The following SGCG variants were observed in gnomAD, a reference collection of about 807,000 sequenced individuals.
The protein encoded by SGCG is sarcoglycan gamma, also known as gamma-sarcoglycan.
In SGCG, 26 loss-of-function variants were observed where a neutral mutation model predicts 29.3. The observed-to-expected ratio is 0.89, with a 90% CI of 0.65 to 1.23. The LOEUF is 1.23. Among genes scored for constraint, SGCG ranks in the 50% most tolerant of loss-of-function variants. SGCG has a pLI of 0.00. For missense variants in SGCG, 353 were observed against 356.0 expected (o/e 0.99, Z 0.07); for synonymous variants, 145 against 129.7 (o/e 1.12, Z -0.80).
intron 2 of SGCG, among the ~76,000 whole-genome samples, chr13:23,223,467 C>T (rs1378645513): frequency 6.6e-6 from 1 of 151,794 alleles, no homozygotes; most frequent in African/African-American, 2.4e-5. Context: ...ATCACAAATG[C>T]ATTAAGTTAA....
chr13:23,168,847 A>T, the SGCG span, among the ~76,000 whole-genome samples: 1 of 152,142 alleles, frequency 6.6e-6, no homozygotes. Flanking sequence ...ACCAAATCTA[A>T]GATGCCCATT....
chr13:23,173,083 T>A, the SGCG span, among the ~76,000 whole-genome samples: 1 of 152,212 alleles, frequency 6.6e-6, no homozygotes, highest in East Asian at 1.9e-4. Context: ...CTCTGTCAGT[T>A]ATTTTATAAA....
intron 6 of SGCG, among the ~76,000 whole-genome samples, chr13:23,319,082 G>A (rs1044391216): frequency 2.6e-5 from 4 of 152,138 alleles, no homozygotes; most frequent in Non-Finnish European, 4.4e-5. Context: ...GGTGGATCCC[G>A]AGGTCAGGAG....
chr13:23,272,486 A>G (rs1245323688), intron 4 of SGCG, among the ~76,000 whole-genome samples: 1 of 152,200 alleles, frequency 6.6e-6, no homozygotes, highest in East Asian at 1.9e-4. Flanking sequence ...CATTCCTGGA[A>G]TAAATCTCAC....
chr13:23,307,361 T>C (rs1423335973), intron 6 of SGCG, among the ~76,000 whole-genome samples: 1 of 152,220 alleles, frequency 6.6e-6, no homozygotes, highest in Non-Finnish European at 1.5e-5. Flanking sequence ...AGACCTCAGA[T>C]ATTAGTAGTC....
chr13:23,196,694 C>T (rs753817747), intron 1 of SGCG, among the ~76,000 whole-genome samples: 49 of 152,184 alleles, frequency 3.2e-4, no homozygotes, highest in East Asian at 1.9e-4. Context: ...AAGGCAAATA[C>T]TTCTCCCAAT....
intron 3 of SGCG, among the ~76,000 whole-genome samples, chr13:23,238,924 G>A (rs1183918451): frequency 6.6e-6 from 1 of 152,034 alleles, no homozygotes; most frequent in Non-Finnish European, 1.5e-5. Context: ...CAGCATATCA[G>A]TAACTTTCTT....
At chr13:23,225,122 C>T (rs1878847313) in intron 2 of SGCG, among the ~76,000 whole-genome samples, 1 of 152,178 alleles carries the variant, frequency 6.6e-6, no homozygotes, top group Non-Finnish European at 1.5e-5. Context: ...GCACCTTCCA[C>T]CACCTCATCC....
chr13:23,248,504 T>C lies in SGCG; in HGVS notation c.298-2126T>C, dbSNP rs1484131789. 2.0e-5 allele frequency among the ~76,000 whole-genome samples: 3 copies of C among 150,496 alleles called. No individual in the cohort carries two copies. The South Asian group carries it at 6.4e-4, about 32-fold the overall frequency. On this transcript the variant is annotated intron_variant, in intron 3 of 7. Transcript: ENST00000218867. Reference sequence around the variant, plus strand: ...TCACGAGGTCAGGAGATGGAGACCATCTTGGCTAACGCAGTGAAACTCTTC... The same window carrying C: ...TCACGAGGTCAGGAGATGGAGACCACCTTGGCTAACGCAGTGAAACTCTTC...
At chr13:23,214,649 TTAA>T (rs780529175) in intron 2 of SGCG, among the ~76,000 whole-genome samples, 3 of 152,300 alleles carry the variant, frequency 2.0e-5, no homozygotes, top group East Asian at 1.9e-4. Context: ...CATCCCTGCC[TTAA>T]TGATGCCCGG....
At chr13:23,225,302 A>T (rs1878853487) in intron 2 of SGCG, among the ~76,000 whole-genome samples, 1 of 152,190 alleles carries the variant, frequency 6.6e-6, no homozygotes, top group East Asian at 1.9e-4. Context: ...TGTATTATTC[A>T]TCACTTTCAC....
At chr13:23,210,145 G>A (rs1195440330) in intron 2 of SGCG, among the ~76,000 whole-genome samples, 1 of 152,146 alleles carries the variant, frequency 6.6e-6, no homozygotes, top group East Asian at 1.9e-4. Context: ...ATCTAATCAT[G>A]TATGTTTTAA....
At chr13:23,264,344 A>G (rs1217057843) in intron 4 of SGCG, among the ~76,000 whole-genome samples, 1 of 151,818 alleles carries the variant, frequency 6.6e-6, no homozygotes, top group Non-Finnish European at 1.5e-5. Context: ...GTTACAAAAA[A>G]AAAATACCGA....
intron 6 of SGCG, among the ~76,000 whole-genome samples, chr13:23,299,412 A>G (rs186289868): frequency 0.1 from 1,152 of 11,184 alleles, 38 homozygotes; most frequent in East Asian, 0.3. Flanking sequence ...GTTGGCATAT[A>G]TATATATATA....
the SGCG span, among the ~76,000 whole-genome samples, chr13:23,162,127 A>G: frequency 1.3e-5 from 2 of 152,376 alleles, no homozygotes; most frequent in African/African-American, 2.4e-5. Flanking sequence ...CCTCTCAGAG[A>G]TAACCAGGAT....
Position 23,277,413 on chromosome 13 carries a change from T to A in SGCG, c.386-1946T>A, listed in dbSNP as rs535434024. 2.6e-3 allele frequency among the ~76,000 whole-genome samples: 379 copies of A among 148,190 alleles called. 4 individuals carry two copies. Among genetic ancestry groups the A allele is most frequent in the African/African-American group, 8.9e-3 (359 of 40,380 alleles). ...ATACCAAAAAATAAAGTGAAGCTTT[T>A]AAAAAAAAAAAGGAGATGTAACATA... On this transcript the variant is annotated intron_variant, in intron 4 of 7. Coordinates refer to ENST00000218867, the MANE Select transcript of SGCG (RefSeq NM_000231.3).
At chr13:23,237,501 A>ACTACAACTATTTGAATAAAGTTG (rs1879355210) in intron 3 of SGCG, among the ~76,000 whole-genome samples, 1 of 152,242 alleles carries the variant, frequency 6.6e-6, no homozygotes, top group Non-Finnish European at 1.5e-5. Context: ...ACAGAAAACA[A>ACTACAACTATTTGAATAAAGTTG]CTACAACTAT....
At chr13:23,220,106 G>A (rs1423151888) in intron 2 of SGCG, among the ~76,000 whole-genome samples, 1 of 151,784 alleles carries the variant, frequency 6.6e-6, no homozygotes, top group Non-Finnish European at 1.5e-5. Flanking sequence ...CTCCCAAAGT[G>A]CTGCAATTAC....
At chr13:23,283,126 A>G (rs537243764) in intron 5 of SGCG, among the ~76,000 whole-genome samples, 7 of 152,270 alleles carry the variant, frequency 4.6e-5, no homozygotes, top group Middle Eastern at 6.8e-3. Flanking sequence ...GTAGATGTCT[A>G]TTAGGTCTGC....
Sources: gnomAD v4.1 joint callset for allele counts (sites outside exome capture counted in the v4.1 genomes callset) on GRCh38, gnomAD v4.1.1 for gene constraint, MANE v1.5 for transcripts, NCBI Gene and HGNC (gene_info 2026-07-23, HGNC 2026-07-21) for gene names.